The following F5 variants were observed in gnomAD, a reference collection of about 807,000 sequenced individuals.
F5 encodes the protein activated protein c cofactor.
A neutral mutation model predicts 216.4 loss-of-function variants in F5; 138 were observed. The ratio of observed to expected loss-of-function variants is 0.64; its 90% CI spans 0.56 to 0.73. The LOEUF (loss-of-function observed/expected upper bound fraction) is 0.73. F5 is among the 30% of genes least tolerant of loss of function. F5 has a pLI of 0.00. For missense variants in F5, 2,403 were observed against 2,674.0 expected, an observed-to-expected ratio of 0.90 and a Z score of 2.24; for synonymous variants, 916 against 930.7, an observed-to-expected ratio of 0.98 and a Z score of 0.29.
In F5 at chr1:169,519,689, C is replaced by T. The variant is rs3766103; in HGVS notation, c.6193+831G>A. On this transcript the variant is annotated intron_variant, in intron 22 of 24. Coordinates refer to ENST00000367797, the MANE Select transcript of F5 (RefSeq NM_000130.5). ...ACTGCAACTCCTGACAGGTGTGCCACGGCAGGTTTCTAGTGCACCTATTTA... is the reference window on the plus strand; with the variant it reads ...ACTGCAACTCCTGACAGGTGTGCCATGGCAGGTTTCTAGTGCACCTATTTA... 0.5 allele frequency among the ~76,000 whole-genome samples: 75,425 copies of T among 152,020 alleles called. 19,202 individuals are homozygous for T. Among genetic ancestry groups the T allele is most frequent in the East Asian group, 0.67 (3,489 of 5,170 alleles).
intron 21 of F5, among the ~76,000 whole-genome samples, chr1:169,522,175 A>G (rs1250598785): frequency 1.3e-5 from 2 of 152,198 alleles, no homozygotes. Context: ...TATTTAGAAC[A>G]TAGGATCTGT....
At chr1:169,578,432 T>G (rs1275916230) in intron 2 of F5, among the ~76,000 whole-genome samples, 1 of 152,238 alleles carries the variant, frequency 6.6e-6, no homozygotes, top group Admixed American at 6.5e-5. Context: ...AAGCTATCCA[T>G]GCCTTTTTAT....
intron 11 of F5, among the ~76,000 whole-genome samples, chr1:169,545,818 A>G (rs1376855714): frequency 6.6e-6 from 1 of 152,174 alleles, no homozygotes; most frequent in Non-Finnish European, 1.5e-5. Flanking sequence ...GCTGTTGTGG[A>G]GAAGTTTGCT....
chr1:169,574,153 C>G (rs1196392835), intron 2 of F5, among the ~76,000 whole-genome samples: 1 of 152,106 alleles, frequency 6.6e-6, no homozygotes, highest in Non-Finnish European at 1.5e-5. Flanking sequence ...ATATAAGGGA[C>G]TTGAGCATCT....
At chr1:169,518,082 G>C (rs939402158) in intron 23 of F5, among the ~76,000 whole-genome samples, 1 of 152,138 alleles carries the variant, frequency 6.6e-6, no homozygotes, top group African/African-American at 2.4e-5. Context: ...TACAATGGCA[G>C]AGTTGAGTAG....
intron 2 of F5, among the ~76,000 whole-genome samples, chr1:169,582,027 A>G (rs1660998137): frequency 6.6e-6 from 1 of 152,224 alleles, no homozygotes; most frequent in African/African-American, 2.4e-5. Context: ...CACAATGCCT[A>G]TTTCAATGCC....
chr1:169,586,334 CA>C lies in F5; in HGVS notation c.52del (p.Trp18GlyfsTer2). ...TGTCCCTTGGCTCCCCCAGCCTACCCAGCTGGTGCCCAAGACCACCAGGACC... is the reference window on the plus strand; with the variant it reads ...TGTCCCTTGGCTCCCCCAGCCTACCCGCTGGTGCCCAAGACCACCAGGACC... ...LWVLVVLGTS[W>X]VGWGSQGTEA... On this transcript the variant is annotated frameshift_variant, in exon 1 of 25. Coordinates refer to ENST00000367797, the MANE Select transcript of F5 (RefSeq NM_000130.5). LOFTEE classifies it high-confidence loss of function. 1.2e-6 allele frequency: 2 copies of C among 1,614,090 alleles called. No homozygotes were observed. The highest frequency in any genetic ancestry group is 1.7e-6 in the Non-Finnish European group (2 of 1,180,008).
chr1:169,534,081 T>TGTTCG (rs1659648917), intron 14 of F5, among the ~76,000 whole-genome samples: 3 of 152,178 alleles, frequency 2.0e-5, no homozygotes, highest in Admixed American at 1.3e-4. Context: ...ATCCCTGTCC[T>TGTTCG]GTTCTGTTCT....
In F5 at chr1:169,586,365, G is replaced by A. The variant is rs754696079; in HGVS notation, c.22C>T (p.Leu8Phe). 3.7e-6 allele frequency: 6 copies of A among 1,613,756 alleles called. No individual in the cohort carries two copies. Among genetic ancestry groups the A allele is most frequent in the Non-Finnish European group, 5.1e-6 (6 of 1,179,972 alleles). The stretch of plus-strand genomic sequence containing the variant: ...GTGCCCAAGACCACCAGGACCCAGA[G>A]GCGTGGGCAGCCTGGGAACATGCTT... MFPGCPR[L>F]WVLVVLGTSW... Residue 8 changes from leucine (L) to phenylalanine (F), a missense_variant, in exon 1 of 25, where the codon CTC becomes TTC. Physicochemically the swap from Leu to Phe is conservative, Grantham distance 22. Transcript: ENST00000367797.
At chr1:169,522,676 G>T (rs1362383938) in intron 21 of F5, among the ~76,000 whole-genome samples, 1 of 152,136 alleles carries the variant, frequency 6.6e-6, no homozygotes, top group Non-Finnish European at 1.5e-5. Context: ...AAGAGTTAGG[G>T]CTTATGGCTG....
intron 8 of F5, among the ~76,000 whole-genome samples, chr1:169,551,143 C>G (rs1660158648): frequency 6.6e-6 from 1 of 152,112 alleles, no homozygotes; most frequent in Non-Finnish European, 1.5e-5. Flanking sequence ...TTTTTTAGGA[C>G]ACTGTCTTTG....
chr1:169,546,855 C>T (rs545003997), intron 10 of F5, among the ~76,000 whole-genome samples: 8 of 151,784 alleles, frequency 5.3e-5, no homozygotes, highest in Middle Eastern at 3.4e-3. Flanking sequence ...GTAGGCCTGG[C>T]GCGGTGGCTC....
intron 3 of F5, among the ~76,000 whole-genome samples, chr1:169,570,215 T>C (rs1032261511): frequency 2.6e-5 from 4 of 152,068 alleles, no homozygotes; most frequent in African/African-American, 7.2e-5. Flanking sequence ...CTGTAGGGAA[T>C]GTAGGGACAA....
intron 18 of F5, 26 bp downstream of exon 18, chr1:169,525,875 C>A: frequency 6.5e-7 from 1 of 1,539,278 alleles, no homozygotes; most frequent in Non-Finnish European, 9.0e-7. Flanking sequence ...CCTGCCAAAC[C>A]AAATATCACA....
intron 3 of F5, among the ~76,000 whole-genome samples, chr1:169,568,133 C>A (rs1660650913): frequency 6.6e-6 from 1 of 152,064 alleles, no homozygotes; most frequent in Admixed American, 6.6e-5. Flanking sequence ...AAATTAATGT[C>A]TGTCTAATTG....
intron 14 of F5, among the ~76,000 whole-genome samples, chr1:169,534,961 T>C (rs1427617189): frequency 6.6e-6 from 1 of 152,100 alleles, no homozygotes; most frequent in Admixed American, 6.5e-5. Context: ...TGTTCTCACT[T>C]ATAAGTGGGA....
At chr1:169,585,421 T>C (rs566946600) in intron 1 of F5, among the ~76,000 whole-genome samples, 2 of 152,356 alleles carry the variant, frequency 1.3e-5, no homozygotes, top group East Asian at 1.9e-4. Context: ...AGGTTTACCA[T>C]TTAAAAAATA....
chr1:169,582,073 A>T (rs945798005), intron 2 of F5, among the ~76,000 whole-genome samples: 5 of 152,342 alleles, frequency 3.3e-5, no homozygotes, highest in African/African-American at 9.6e-5. Flanking sequence ...AGTTTTTTAG[A>T]TGAATGAATA....
intron 10 of F5, among the ~76,000 whole-genome samples, chr1:169,546,979 A>AAAAG (rs1553220682): frequency 4.4e-4 from 34 of 77,878 alleles, no homozygotes; most frequent in African/African-American, 1.2e-3. Context: ...AAAAAAAAAA[A>AAAAG]AAAAGAAAAG....
Sources: gnomAD v4.1 joint callset for allele counts (sites outside exome capture counted in the v4.1 genomes callset) on GRCh38, gnomAD v4.1.1 for gene constraint, MANE v1.5 for transcripts, NCBI Gene and HGNC (gene_info 2026-07-23, HGNC 2026-07-21) for gene names.